Variants in TMEM132D observed in about 807,000 individuals in gnomAD.
The protein encoded by TMEM132D is mature OL transmembrane protein.
TMEM132D carries 21 observed loss-of-function variants against 62.3 expected under a neutral mutation model. The observed-to-expected ratio is 0.34, with a 90% CI of 0.24 to 0.49. The LOEUF (loss-of-function observed/expected upper bound fraction) is 0.49, where lower values mean the gene tolerates loss of function less well. TMEM132D is among the 20% of genes least tolerant of loss of function. The pLI is 0.99. For synonymous variants in TMEM132D, 621 were observed against 575.6 expected, an observed-to-expected ratio of 1.08 and a Z score of -1.13; for missense variants, 1,346 against 1,402.8, an observed-to-expected ratio of 0.96 and a Z score of 0.65.
chr12:129,505,233 G>C (rs896454817), intron 3 of TMEM132D, among the ~76,000 whole-genome samples: 2 of 142,064 alleles, frequency 1.4e-5, no homozygotes, highest in Non-Finnish European at 3.0e-5. Context: ...AAGTCCATTT[G>C]TTCCAGGGTA....
intron 2 of TMEM132D, among the ~76,000 whole-genome samples, chr12:129,664,837 C>T (rs658418): frequency 0.76 from 115,374 of 152,010 alleles, 44,208 homozygotes; most frequent in East Asian, 0.86. Flanking sequence ...ACAGAATCAC[C>T]CAACCCCTGG....
intron 1 of TMEM132D, among the ~76,000 whole-genome samples, chr12:129,788,500 T>C (rs1010450932): frequency 3.3e-5 from 5 of 152,206 alleles, no homozygotes; most frequent in African/African-American, 9.6e-5. Context: ...AGAAGAGATA[T>C]AGAGATATAG....
At chr12:129,441,807 A>T (rs1872943455) in intron 3 of TMEM132D, among the ~76,000 whole-genome samples, 1 of 152,142 alleles carries the variant, frequency 6.6e-6, no homozygotes, top group Non-Finnish European at 1.5e-5. Flanking sequence ...ACACAGTGAT[A>T]AAAAAATAAT....
chr12:129,318,095 C>T (rs572292345), intron 4 of TMEM132D, among the ~76,000 whole-genome samples: 4 of 152,216 alleles, frequency 2.6e-5, no homozygotes, highest in East Asian at 1.9e-4. Context: ...TTTCTCTGGT[C>T]CCTCCCTTAT....
intron 4 of TMEM132D, among the ~76,000 whole-genome samples, chr12:129,226,536 A>G (rs1355115569): frequency 1.3e-5 from 2 of 152,202 alleles, no homozygotes; most frequent in African/African-American, 4.8e-5. Flanking sequence ...TGGAGGTGGT[A>G]ATGGTCACCT....
At chr12:129,519,238 C>T (rs929880105) in intron 3 of TMEM132D, among the ~76,000 whole-genome samples, 2 of 152,114 alleles carry the variant, frequency 1.3e-5, no homozygotes, top group Admixed American at 6.5e-5. Flanking sequence ...TTAGCACGTC[C>T]TTCAATGTTG....
intron 1 of TMEM132D, among the ~76,000 whole-genome samples, chr12:129,789,815 C>A (rs1022955196): frequency 1.3e-5 from 2 of 152,208 alleles, no homozygotes; most frequent in Non-Finnish European, 2.9e-5. Flanking sequence ...GCCACACAAT[C>A]TTTTATCCAT....
intron 2 of TMEM132D, among the ~76,000 whole-genome samples, chr12:129,623,686 C>CAT (rs1555222201): frequency 3.6e-5 from 3 of 84,102 alleles, no homozygotes; most frequent in African/African-American, 7.6e-5. Context: ...CATATATATA[C>CAT]ATATATACAT....
intron 3 of TMEM132D, among the ~76,000 whole-genome samples, chr12:129,519,040 A>G (rs1875767719): frequency 6.6e-6 from 1 of 152,146 alleles, no homozygotes; most frequent in Non-Finnish European, 1.5e-5. Flanking sequence ...TTACAGCCCA[A>G]GGAGGTTTTG....
chr12:129,605,604 T>TATATATACAC (rs150550863), intron 2 of TMEM132D, among the ~76,000 whole-genome samples: 1 of 106,278 alleles, frequency 9.4e-6, no homozygotes, highest in African/African-American at 3.9e-5. Context: ...TATATATATA[T>TATATATACAC]ACACACACAT....
chr12:129,456,481 C>G (rs116830084), intron 3 of TMEM132D, among the ~76,000 whole-genome samples: 1 of 152,094 alleles, frequency 6.6e-6, no homozygotes, highest in Non-Finnish European at 1.5e-5. Context: ...TCTTTCTTAC[C>G]GCTGACTTCC....
chr12:129,813,240 G>A (rs954697317), intron 1 of TMEM132D, among the ~76,000 whole-genome samples: 9 of 151,658 alleles, frequency 5.9e-5, no homozygotes, highest in Admixed American at 3.3e-4. Context: ...GTTGGTGGAC[G>A]TTGCTAAAAT....
chr12:129,854,055 G>A (rs1427314560), intron 1 of TMEM132D, among the ~76,000 whole-genome samples: 3 of 152,068 alleles, frequency 2.0e-5, no homozygotes, highest in Admixed American at 1.3e-4. Flanking sequence ...AACTCGAGGC[G>A]GGGATACTAC....
chr12:129,450,295 T>C (rs1873234234), intron 3 of TMEM132D, among the ~76,000 whole-genome samples: 1 of 152,222 alleles, frequency 6.6e-6, no homozygotes, highest in South Asian at 2.1e-4. Flanking sequence ...GTGTCCTGAA[T>C]GGTATTGCCT....
At chr12:129,437,775 A>G (rs896658413) in intron 3 of TMEM132D, among the ~76,000 whole-genome samples, 1 of 151,724 alleles carries the variant, frequency 6.6e-6, no homozygotes, top group Non-Finnish European at 1.5e-5. Context: ...GTTCTGGGAT[A>G]CATGTGCAGA....
chr12:129,461,366 A>C (rs1250915834), intron 3 of TMEM132D, among the ~76,000 whole-genome samples: 1 of 152,164 alleles, frequency 6.6e-6, no homozygotes, highest in Non-Finnish European at 1.5e-5. Context: ...ACAGGAGTAG[A>C]AATGTGGACT....
At chr12:129,462,213 C>T in intron 3 of TMEM132D, among the ~76,000 whole-genome samples, 1 of 152,022 alleles carries the variant, frequency 6.6e-6, no homozygotes, top group East Asian at 1.9e-4. Context: ...GCTTCTTGTT[C>T]TGAAGTTATT....
intron 3 of TMEM132D, among the ~76,000 whole-genome samples, chr12:129,514,264 G>A (rs1875610191): frequency 6.6e-6 from 1 of 152,118 alleles, no homozygotes; most frequent in Non-Finnish European, 1.5e-5. Flanking sequence ...ACCACCACCA[G>A]CATCTCCATT....
At chr12:129,850,987 T>C (rs1566008124) in intron 1 of TMEM132D, among the ~76,000 whole-genome samples, 1 of 152,218 alleles carries the variant, frequency 6.6e-6, no homozygotes, top group East Asian at 1.9e-4. Flanking sequence ...CAGCAGTTAT[T>C]GGTGTGTGTT....
Sources: gnomAD v4.1 joint callset for allele counts (sites outside exome capture counted in the v4.1 genomes callset) on GRCh38, gnomAD v4.1.1 for gene constraint, MANE v1.5 for transcripts, NCBI Gene and HGNC (gene_info 2026-07-23, HGNC 2026-07-21) for gene names.